SLC4A4: variants seen among roughly 807,000 people sequenced by gnomAD.
The protein encoded by SLC4A4 is electrogenic sodium bicarbonate cotransporter 1.
SLC4A4 carries 27 observed loss-of-function variants against 111.5 expected under a neutral mutation model. The ratio of observed to expected loss-of-function variants is 0.24; its 90% CI spans 0.18 to 0.33. The LOEUF (loss-of-function observed/expected upper bound fraction) is 0.33. Among genes scored for constraint, SLC4A4 ranks in the 10% least tolerant of loss-of-function variants. The pLI, the probability that SLC4A4 is intolerant of heterozygous loss-of-function variation, is 1.00. For synonymous variants in SLC4A4, 443 were observed against 463.4 expected (o/e 0.96, Z 0.57); for missense variants, 909 against 1,315.5 (o/e 0.69, Z 4.78).
chr4:71,085,724 G>A (rs996927817), intron 1 of SLC4A4, among the ~76,000 whole-genome samples: 8 of 151,932 alleles, frequency 5.3e-5, no homozygotes, highest in South Asian at 2.1e-4. Flanking sequence ...GTAGATTTGC[G>A]GCATTATTTC....
intron 1 of SLC4A4, among the ~76,000 whole-genome samples, chr4:71,213,659 T>C (rs967490301): frequency 3.3e-5 from 5 of 152,142 alleles, no homozygotes; most frequent in African/African-American, 4.8e-5. Flanking sequence ...CCCAGAGTCA[T>C]AAGTTGAAGC....
chr4:71,551,038 C>T (rs1686079974), intron 20 of SLC4A4, among the ~76,000 whole-genome samples: 1 of 151,808 alleles, frequency 6.6e-6, no homozygotes, highest in African/African-American at 2.4e-5. Flanking sequence ...GGTTAAACAG[C>T]TTAGTTCTGT....
At chr4:71,266,574 A>G (rs570352595) in intron 3 of SLC4A4, among the ~76,000 whole-genome samples, 2 of 152,258 alleles carry the variant, frequency 1.3e-5, no homozygotes, top group Admixed American at 1.3e-4. Flanking sequence ...TCTTTTCTCC[A>G]TGGTTCCCCG....
intron 1 of SLC4A4, among the ~76,000 whole-genome samples, chr4:71,218,486 C>A (rs1238032095): frequency 6.6e-6 from 1 of 152,154 alleles, no homozygotes; most frequent in Non-Finnish European, 1.5e-5. Flanking sequence ...AAATGTATTT[C>A]ACTGTAGAAA....
rs1726279699 is a variant in SLC4A4, at chr4:71,312,446, A to G, written c.254-26924A>G. Reference sequence around the variant, plus strand: ...ATAAGGCCAGCATCATCCTGATTCGAAAACCTGGCAGAGACACAACAAGAA... The same window carrying G: ...ATAAGGCCAGCATCATCCTGATTCGGAAACCTGGCAGAGACACAACAAGAA... On this transcript the variant is annotated intron_variant, in intron 3 of 25. Coordinates refer to ENST00000264485, the MANE Select transcript of SLC4A4 (RefSeq NM_001098484.3). 2.6e-5 allele frequency among the ~76,000 whole-genome samples: 4 copies of G among 152,354 alleles called. No individual in the cohort carries two copies. The South Asian group carries it at 8.3e-4, about 32-fold the overall frequency.
intron 18 of SLC4A4, among the ~76,000 whole-genome samples, chr4:71,538,063 G>C (rs1325406414): frequency 6.6e-6 from 1 of 151,558 alleles, no homozygotes; most frequent in African/African-American, 2.4e-5. Flanking sequence ...TTCTGATGTT[G>C]GTTTAGTTTA....
intron 3 of SLC4A4, among the ~76,000 whole-genome samples, chr4:71,334,512 G>A (rs1048472380): frequency 1.3e-5 from 2 of 152,130 alleles, no homozygotes; most frequent in African/African-American, 4.8e-5. Context: ...GGCTTCCCAA[G>A]CTGGTGTCTC....
intron 1 of SLC4A4, among the ~76,000 whole-genome samples, chr4:71,198,178 G>T (rs1312427412): frequency 6.6e-6 from 1 of 152,138 alleles, no homozygotes; most frequent in Non-Finnish European, 1.5e-5. Flanking sequence ...ATACATCTCT[G>T]TTAGGTGCAT....
intron 16 of SLC4A4, among the ~76,000 whole-genome samples, chr4:71,507,893 C>G (rs932721296): frequency 2.0e-5 from 3 of 152,146 alleles, no homozygotes; most frequent in Non-Finnish European, 4.4e-5. Context: ...AACAGTCCCT[C>G]GGACCACAGT....
At chr4:71,325,057 A>G (rs949542466) in intron 3 of SLC4A4, among the ~76,000 whole-genome samples, 1 of 152,008 alleles carries the variant, frequency 6.6e-6, no homozygotes, top group Admixed American at 6.6e-5. Flanking sequence ...TTTAATGAAT[A>G]CTACTTGGCT....
chr4:71,099,918 C>T (rs1354571454), intron 2 of SLC4A4, among the ~76,000 whole-genome samples: 1 of 152,102 alleles, frequency 6.6e-6, no homozygotes, highest in East Asian at 1.9e-4. Context: ...AACTGATTCC[C>T]TGAAGAGACC....
chr4:71,163,955 G>A (rs902862923), intron 2 of SLC4A4, among the ~76,000 whole-genome samples: 2 of 152,196 alleles, frequency 1.3e-5, no homozygotes, highest in Non-Finnish European at 2.9e-5. Flanking sequence ...TCAGAAAAAA[G>A]GAAAAGCAGC....
intron 7 of SLC4A4, among the ~76,000 whole-genome samples, chr4:71,433,297 T>C (rs928126334): frequency 6.6e-6 from 1 of 151,686 alleles, no homozygotes; most frequent in Admixed American, 6.6e-5. Context: ...CTAGTTAGTA[T>C]TGATAAACTC....
intron 2 of SLC4A4, among the ~76,000 whole-genome samples, chr4:71,171,417 A>G (rs1004039062): frequency 2.6e-5 from 4 of 152,176 alleles, no homozygotes; most frequent in Admixed American, 6.5e-5. Flanking sequence ...CTGGCTTCGT[A>G]ACTTTGGTAC....
chr4:71,418,034 G>T lies in SLC4A4; in HGVS notation c.807+20381G>T, dbSNP rs1219527941. Among the ~76,000 whole-genome samples the T allele has an allele frequency of 2.6e-5, 4 of 152,224 alleles. No homozygotes were observed. The East Asian group carries it at 7.7e-4, about 29-fold the overall frequency. The stretch of plus-strand genomic sequence containing the variant: ...TACATATGAAAGTGTTTTAAAAACT[G>T]TAAGTAGCTATATGCGTATTGACAA... On this transcript the variant is annotated intron_variant, in intron 7 of 25. Coordinates refer to ENST00000264485, the MANE Select transcript of SLC4A4 (RefSeq NM_001098484.3).
chr4:71,274,375 A>G (rs2069145943), intron 3 of SLC4A4, among the ~76,000 whole-genome samples: 1 of 152,088 alleles, frequency 6.6e-6, no homozygotes, highest in African/African-American at 2.4e-5. Flanking sequence ...TGCAGTTCAA[A>G]CCTGTGTTGT....
At chr4:71,173,529 T>C (rs1419189237) in intron 2 of SLC4A4, among the ~76,000 whole-genome samples, 2 of 152,048 alleles carry the variant, frequency 1.3e-5, no homozygotes, top group Non-Finnish European at 2.9e-5. Flanking sequence ...TACAGGCACA[T>C]GCCACCACGC....
chr4:71,501,928 G>T (rs946027635), intron 16 of SLC4A4, among the ~76,000 whole-genome samples: 1 of 151,944 alleles, frequency 6.6e-6, no homozygotes, highest in Non-Finnish European at 1.5e-5. Context: ...CTCTCAAAGT[G>T]CTGGGATTAC....
At chr4:71,331,685 C>T (rs1277144322) in intron 3 of SLC4A4, among the ~76,000 whole-genome samples, 1 of 143,042 alleles carries the variant, frequency 7.0e-6, no homozygotes, top group Non-Finnish European at 1.5e-5. Context: ...ACATATGTAA[C>T]AAACCTGCCC....
Sources: allele counts gnomAD v4.1 joint callset (sites outside exome capture counted in the v4.1 genomes callset), GRCh38; gene constraint gnomAD v4.1.1; transcripts MANE v1.5; gene names NCBI Gene and HGNC (gene_info 2026-07-23, HGNC 2026-07-21).